TBCD: variants seen among roughly 807,000 people sequenced by gnomAD.
The protein encoded by TBCD is tubulin folding cofactor D, also known as tubulin-specific chaperone D.
Under a neutral mutation model 169.3 loss-of-function variants are expected in TBCD, and 105 were observed. That is an observed-to-expected ratio of 0.62 (90% CI 0.53 to 0.73). The LOEUF (loss-of-function observed/expected upper bound fraction) is 0.73, where lower values mean the gene tolerates loss of function less well. Among genes scored for constraint, TBCD ranks in the 30% least tolerant of loss-of-function variants. The probability of loss-of-function intolerance (pLI) is 0.00; values close to 1 mark genes in which losing one functional copy is unlikely to be tolerated. For missense variants in TBCD, 1,444 were observed against 1,600.1 expected, an observed-to-expected ratio of 0.90 and a Z score of 1.66; for synonymous variants, 700 against 643.9, an observed-to-expected ratio of 1.09 and a Z score of -1.32.
chr17:82,911,935 G>A lies in TBCD; in HGVS notation c.2038+146G>A, dbSNP rs2060674519. On this transcript the variant is annotated intron_variant, in intron 23 of 38. Coordinates refer to ENST00000355528, the MANE Select transcript of TBCD (RefSeq NM_005993.5). ...CTTCTGTGGAGGCGGCATCTGTGATGTGCTTGGTTTGTCCAGTGGTTCCTA... is the reference window on the plus strand; with the variant it reads ...CTTCTGTGGAGGCGGCATCTGTGATATGCTTGGTTTGTCCAGTGGTTCCTA... 5.2e-6 allele frequency: 4 copies of A among 766,038 alleles called. No homozygotes were observed. The East Asian group carries it at 8.1e-5, about 15-fold the overall frequency. The allele number at this position is 766,038 out of a possible 1,614,324, so 47.5% of individuals were successfully genotyped here. A position where few individuals can be genotyped will look rare whatever the true frequency, so the allele number is the denominator to read the frequency against.
At position 82,860,462 on chromosome 17, in the gene TBCD, A is replaced by G. The variant is rs114825702; in HGVS notation, c.1319-9762A>G. On this transcript the variant is annotated intron_variant, in intron 13 of 38. Coordinates refer to ENST00000355528, the MANE Select transcript of TBCD (RefSeq NM_005993.5). ...GGAAGGAACCACGGTGGGTTTCATT[A>G]ACAATGACAGTGGCTCAGGAGATCC... 733 of 984,772 alleles carry G rather than the reference A, an allele frequency of 7.4e-4. 5 individuals carry two copies. In the African/African-American group the frequency reaches 0.011, roughly 15 times the overall value. 61.0% of individuals were successfully genotyped at this position (984,772 alleles called of 1,614,324 possible). A position where few individuals can be genotyped will look rare whatever the true frequency, so the allele number is the denominator to read the frequency against.
chr17:82,874,509 G>T lies in TBCD; in HGVS notation c.1475+4129G>T, dbSNP rs2057826626. Among the ~76,000 whole-genome samples the T allele has an allele frequency of 6.6e-6, 1 of 152,136 alleles. No individual in the cohort carries two copies. The highest frequency in any genetic ancestry group is 1.5e-5 in the Non-Finnish European group (1 of 68,002). ...CAGCTCACAGGCTTCTGACGCCTCAGCCTGGAGCTGGCGTTGTGCCCCTCG... is the reference window on the plus strand; with the variant it reads ...CAGCTCACAGGCTTCTGACGCCTCATCCTGGAGCTGGCGTTGTGCCCCTCG... On this transcript the variant is annotated intron_variant, in intron 14 of 38. Coordinates refer to ENST00000355528, the MANE Select transcript of TBCD (RefSeq NM_005993.5). The surrounding 1 kb of genome is among the most constrained non-coding windows in gnomAD (Gnocchi z 5.0).
intron 13 of TBCD, chr17:82,830,509 C>T: frequency 6.2e-7 from 1 of 1,613,606 alleles, no homozygotes; most frequent in Non-Finnish European, 8.5e-7. Flanking sequence ...GTCGAGGCTG[C>T]CTGGCTTGGT....
rs373997031 is a variant in TBCD, at chr17:82,845,502, C to G, written c.1319-24722C>G. 2.5e-4 allele frequency among the ~76,000 whole-genome samples: 34 copies of G among 133,458 alleles called. No individual in the cohort carries two copies. The East Asian group carries it at 3.2e-3, about 12-fold the overall frequency. 87.6% of individuals were successfully genotyped at this position (133,458 alleles called of 152,430 possible). ...TCCGTCTGTCCTGTCCGGCCCGGCC[C>G]CTTCCTCTCCGTCCTGTCCAGCTCA... On this transcript the variant is annotated intron_variant, in intron 13 of 38. Coordinates refer to ENST00000355528, the MANE Select transcript of TBCD (RefSeq NM_005993.5).
intron 7 of TBCD, among the ~76,000 whole-genome samples, chr17:82,783,736 G>A (rs2379358): frequency 0.27 from 40,451 of 152,104 alleles, 5,646 homozygotes; most frequent in East Asian, 0.44. Context: ...CCATATGCCA[G>A]CGTGTGGGTA....
intron 23 of TBCD, among the ~76,000 whole-genome samples, chr17:82,917,795 C>T (rs1053338261): frequency 1.3e-5 from 2 of 152,206 alleles, no homozygotes; most frequent in Non-Finnish European, 2.9e-5. Context: ...CGTTCTCCTG[C>T]TAGCTGGAGA....
intron 13 of TBCD, among the ~76,000 whole-genome samples, chr17:82,855,007 C>G (rs1158389894): frequency 1.3e-5 from 2 of 152,152 alleles, no homozygotes; most frequent in African/African-American, 4.8e-5. Flanking sequence ...AGCAGGAATT[C>G]TGGGGAACAG....
intron 21 of TBCD, chr17:82,908,208 A>G: frequency 4.7e-6 from 2 of 424,710 alleles, no homozygotes; most frequent in South Asian, 3.4e-5. Flanking sequence ...TGGAGCGTGC[A>G]GCCAACTCTG....
At chr17:82,792,711 C>T (rs924592923) in intron 7 of TBCD, among the ~76,000 whole-genome samples, 1 of 152,144 alleles carries the variant, frequency 6.6e-6, no homozygotes, top group African/African-American at 2.4e-5. Context: ...CCTTACAGTC[C>T]AAAGTTTGGT....
In TBCD at chr17:82,782,690, C is replaced by T. The variant is rs1182180658; in HGVS notation, c.771+969C>T. The stretch of plus-strand genomic sequence containing the variant: ...TTAGGGGAGATGATGAGTGCCACCT[C>T]GCCACGGCGTCCTCCTGTCCGTGGC... On this transcript the variant is annotated intron_variant, in intron 7 of 38. Coordinates refer to ENST00000355528, the MANE Select transcript of TBCD (RefSeq NM_005993.5). The surrounding 1 kb of genome is among the most constrained non-coding windows in gnomAD (Gnocchi z 5.1). 2.0e-5 allele frequency among the ~76,000 whole-genome samples: 3 copies of T among 152,136 alleles called. No individual in the cohort carries two copies. The highest frequency in any genetic ancestry group is 2.1e-4 in the South Asian group (1 of 4,828).
chr17:82,840,065 G>C (rs1361621355), intron 13 of TBCD: 3 of 152,180 alleles, frequency 2.0e-5, no homozygotes. Flanking sequence ...TGTAGGAGTT[G>C]AGCCCTCGGG....
In TBCD at chr17:82,832,838, G is replaced by A. The variant is rs1459057972; in HGVS notation, c.1318+17904G>A. 2.0e-5 allele frequency among the ~76,000 whole-genome samples: 3 copies of A among 152,190 alleles called. No individual in the cohort carries two copies. Among genetic ancestry groups the A allele is most frequent in the Non-Finnish European group, 4.4e-5 (3 of 68,032 alleles). The stretch of plus-strand genomic sequence containing the variant: ...AACCTGGCTGCTGACTCCCCACCGT[G>A]TTTTCTGTTTTCTGAGTCTGATCTG... On this transcript the variant is annotated intron_variant, in intron 13 of 38. Coordinates refer to ENST00000355528, the MANE Select transcript of TBCD (RefSeq NM_005993.5). The surrounding 1 kb of genome is among the most constrained non-coding windows in gnomAD (Gnocchi z 4.9).
At chr17:82,784,126 A>G (rs2049135282) in intron 7 of TBCD, among the ~76,000 whole-genome samples, 1 of 152,146 alleles carries the variant, frequency 6.6e-6, no homozygotes. Context: ...TCTGCCAGAA[A>G]AAAAAAACAG....
chr17:82,816,070 C>T (rs1281732236), intron 13 of TBCD, among the ~76,000 whole-genome samples: 2 of 152,122 alleles, frequency 1.3e-5, no homozygotes, highest in African/African-American at 4.8e-5. Context: ...TTACTCTCCC[C>T]AGCACCCCCG....
chr17:82,881,464 G>C (rs2058348439), intron 14 of TBCD, among the ~76,000 whole-genome samples: 2 of 152,216 alleles, frequency 1.3e-5, no homozygotes, highest in Admixed American at 1.3e-4. Context: ...AGCCAGCGGG[G>C]AGAGCTGCCA....
chr17:82,856,686 C>T (rs986029681), intron 13 of TBCD, among the ~76,000 whole-genome samples: 1 of 152,192 alleles, frequency 6.6e-6, no homozygotes, highest in Non-Finnish European at 1.5e-5. Context: ...CTGTTTGAAT[C>T]CCTGTCTTCC....
chr17:82,806,398 A>C lies in TBCD; in HGVS notation c.1087+387A>C, dbSNP rs1288252679. Among the ~76,000 whole-genome samples, 1 of 151,854 alleles carries C rather than the reference A, an allele frequency of 6.6e-6. No individual in the cohort carries two copies. On this transcript the variant is annotated intron_variant, in intron 10 of 38. Transcript: ENST00000355528. The surrounding 1 kb of genome is among the most constrained non-coding windows in gnomAD (Gnocchi z 5.1). ...GTTCCTTACCTCAGGAGCCATTTCAAACTCCCTTAAACCACATTACACCTT... is the reference window on the plus strand; with the variant it reads ...GTTCCTTACCTCAGGAGCCATTTCACACTCCCTTAAACCACATTACACCTT...
rs564285607 is a variant in TBCD, at chr17:82,880,743, CAGG to C, written c.1476-3399_1476-3397del. ...ACCTGTCTGTCCGTCCGTCTGTCCA[CAGG>C]AGCAGGAGGGGCTGGGCGGGGAGGA... On this transcript the variant is annotated intron_variant, in intron 14 of 38. Coordinates refer to ENST00000355528, the MANE Select transcript of TBCD (RefSeq NM_005993.5). This position sits in a 1 kb window ranked among gnomAD's most constrained non-coding sequence, Gnocchi z 5.0. Among the ~76,000 whole-genome samples the C allele has an allele frequency of 6.8e-4, 103 of 152,320 alleles. No individual in the cohort carries two copies. The highest frequency in any genetic ancestry group is 1.2e-3 in the Admixed American group (18 of 15,306).
chr17:82,779,209 C>T (rs1405738290), intron 6 of TBCD, among the ~76,000 whole-genome samples: 1 of 151,266 alleles, frequency 6.6e-6, no homozygotes, highest in Non-Finnish European at 1.5e-5. Flanking sequence ...AGATGGGGTG[C>T]AAGACAGGCT....
Sources: allele counts gnomAD v4.1 joint callset (sites outside exome capture counted in the v4.1 genomes callset), GRCh38; gene constraint gnomAD v4.1.1; non-coding constraint Gnocchi (gnomAD v3.1); transcripts MANE v1.5; gene names NCBI Gene and HGNC (gene_info 2026-07-23, HGNC 2026-07-21).